Variants in DOP1A observed in about 807,000 individuals in gnomAD.
DOP1A encodes the protein DOP1 leucine zipper like protein A, also known as protein DOP1A.
DOP1A carries 90 observed loss-of-function variants against 267.6 expected under a neutral mutation model. The observed-to-expected ratio is 0.34, with a 90% confidence interval of 0.28 to 0.40. The LOEUF is 0.40. DOP1A is among the 10% of genes least tolerant of loss of function. The probability of loss-of-function intolerance (pLI) is 1.00; values close to 1 mark genes in which losing one functional copy is unlikely to be tolerated. For synonymous variants in DOP1A, 932 were observed against 999.1 expected, an observed-to-expected ratio of 0.93 and a Z score of 1.27; for missense variants, 2,437 against 2,900.4, an observed-to-expected ratio of 0.84 and a Z score of 3.67.
intron 15 of DOP1A, among the ~76,000 whole-genome samples, chr6:83,127,586 T>C (rs1024053602): frequency 6.6e-6 from 1 of 152,190 alleles, no homozygotes; most frequent in Admixed American, 6.5e-5. Context: ...TTAGAAAAGT[T>C]ACTCTGGCTG....
rs1786313200 is a variant in DOP1A at position 83,168,166 on chromosome 6, G to A, written c.7397G>A (p.Ter2466=). ...KDFLEGMIKT[*] Reference sequence around the variant, plus strand: ...TTTCTGGAAGGGATGATAAAAACTTGAGCACCATTGCTGGTTCCATTTAGC... The same window carrying A: ...TTTCTGGAAGGGATGATAAAAACTTAAGCACCATTGCTGGTTCCATTTAGC... The change falls in exon 39 of 39, where the codon TGA becomes TAA. Residue 2466 remains the stop codon, a stop_retained_variant. Coordinates refer to ENST00000349129, the MANE Select transcript of DOP1A (RefSeq NM_015018.4). The A allele has an allele frequency of 6.2e-7, 1 of 1,610,836 alleles. No individual in the cohort carries two copies. Among genetic ancestry groups the A allele is most frequent in the African/African-American group, 1.3e-5 (1 of 74,740 alleles).
Position 83,168,355 on chromosome 6 carries a change from G to C in DOP1A, c.*188G>C. 1.4e-6 allele frequency: 2 copies of C among 1,397,828 alleles called. No homozygotes were observed. The highest frequency in any genetic ancestry group is 2.7e-5 in the East Asian group (1 of 37,392). 86.6% of individuals were successfully genotyped at this position (1,397,828 alleles called of 1,614,324 possible). A position where few individuals can be genotyped will look rare whatever the true frequency, so the allele number is the denominator to read the frequency against. On this transcript the variant is annotated 3_prime_UTR_variant, in exon 39 of 39. Coordinates refer to ENST00000349129, the MANE Select transcript of DOP1A (RefSeq NM_015018.4). ...CCTGAATCAAGTTTAAATATTGTTG[G>C]CTCATACTGATTATGGTGCCTAAGA...
At chr6:83,134,558 GC>G (rs1459087694) in intron 19 of DOP1A, 2 of 319,868 alleles carry the variant, frequency 6.3e-6, no homozygotes, top group Non-Finnish European at 1.1e-5. Flanking sequence ...TAGTGATAGA[GC>G]AATGGATACA....
intron 1 of DOP1A, 29 bp downstream of exon 1, chr6:83,067,808 C>A (rs1469207161): frequency 6.6e-6 from 1 of 152,280 alleles, no homozygotes; most frequent in East Asian, 1.9e-4. Context: ...CCAGTGCGGC[C>A]GCTAGGCTGG....
At chr6:83,108,161 T>A (rs1434725972) in intron 4 of DOP1A, among the ~76,000 whole-genome samples, 1 of 152,142 alleles carries the variant, frequency 6.6e-6, no homozygotes, top group Non-Finnish European at 1.5e-5. Context: ...CCTTGATAAC[T>A]GATTGCAGGT....
downstream of DOP1A, chr6:83,169,074 G>T (rs768540774): frequency 7.0e-7 from 1 of 1,428,314 alleles, no homozygotes; most frequent in Non-Finnish European, 9.1e-7. Flanking sequence ...TATTTATAAA[G>T]AATTATTCTG....
intron 24 of DOP1A, among the ~76,000 whole-genome samples, chr6:83,143,353 T>A (rs1050006435): frequency 6.6e-6 from 1 of 152,208 alleles, no homozygotes; most frequent in Non-Finnish European, 1.5e-5. Context: ...GTAATTCACA[T>A]AGAGCAATGC....
rs201192970 is a variant in DOP1A, at chr6:83,125,158, T to A, written c.1456-8T>A. ...CTCTCCTCACTTCTTTGCTTTCTCA[T>A]TTTGAAGCCTACTAGAAGTATGAGG... is the stretch of plus-strand genomic sequence containing the variant. On this transcript the variant is annotated splice_polypyrimidine_tract_variant and splice_region_variant and intron_variant, in intron 13 of 38. Coordinates refer to ENST00000349129, the MANE Select transcript of DOP1A (RefSeq NM_015018.4). 6.3e-7 allele frequency: 1 copy of A among 1,580,894 alleles called. No individual in the cohort carries two copies. Among genetic ancestry groups the A allele is most frequent in the Non-Finnish European group, 8.5e-7 (1 of 1,170,986 alleles).
At chr6:83,144,079 C>T (rs1382923870) in intron 24 of DOP1A, among the ~76,000 whole-genome samples, 1 of 152,198 alleles carries the variant, frequency 6.6e-6, no homozygotes, top group Admixed American at 6.5e-5. Context: ...GTCACTCAAA[C>T]ATTTTCAGCT....
In DOP1A at chr6:83,122,016, C is replaced by CCT. The variant is rs768768580; in HGVS notation, c.1187_1188insTC (p.Pro397HisfsTer10). 6.2e-7 allele frequency: 1 copy of CCT among 1,611,338 alleles called. No individual in the cohort carries two copies. Among genetic ancestry groups the CCT allele is most frequent in the South Asian group, 1.1e-5 (1 of 90,930 alleles). On this transcript the variant is annotated frameshift_variant, in exon 11 of 39. Coordinates refer to ENST00000349129, the MANE Select transcript of DOP1A (RefSeq NM_015018.4). LOFTEE classifies it high-confidence loss of function. The stretch of plus-strand genomic sequence containing the variant: ...AGCAGAGTTGGATCTTCAAACTGAA[C>CCT]CACCCTTCAGCAAGGATCATGCTCA...
At chr6:83,159,583 G>A (rs766938429) in intron 36 of DOP1A, among the ~76,000 whole-genome samples, 8 of 152,098 alleles carry the variant, frequency 5.3e-5, no homozygotes, top group Non-Finnish European at 7.4e-5. Flanking sequence ...AAGCCACTGC[G>A]CCCAGTCTAT....
chr6:83,110,365 G>A, intron 6 of DOP1A, 51 bp downstream of exon 6: 3 of 1,560,876 alleles, frequency 1.9e-6, no homozygotes, highest in Non-Finnish European at 2.6e-6. Context: ...TTTAGAGTCA[G>A]GCACTATTCC....
rs554946044 is a variant in DOP1A, at chr6:83,121,799, C to G, written c.1100-131C>G. ...CCTTCTCAAAGAAGTGTGAATTTAG[C>G]TTAGCTTCTGAAGAAATACTATTTT... On this transcript the variant is annotated intron_variant, in intron 10 of 38. Transcript: ENST00000349129. 3 of 906,262 alleles carry G rather than the reference C, an allele frequency of 3.3e-6. No individual in the cohort carries two copies. In the African/African-American group the frequency reaches 5.1e-5, roughly 15 times the overall value. 56.1% of individuals were successfully genotyped at this position (906,262 alleles called of 1,614,324 possible). A position where few individuals can be genotyped will look rare whatever the true frequency, so the allele number is the denominator to read the frequency against.
chr6:83,073,955 T>C (rs889065054), intron 1 of DOP1A, among the ~76,000 whole-genome samples: 7 of 152,150 alleles, frequency 4.6e-5, no homozygotes, highest in African/African-American at 1.7e-4. Context: ...ACTTCTGCAG[T>C]GTTATATTGA....
intron 24 of DOP1A, among the ~76,000 whole-genome samples, chr6:83,142,725 G>GTTCTTGTTTCT (rs1179295069): frequency 6.6e-6 from 1 of 151,970 alleles, no homozygotes; most frequent in African/African-American, 2.4e-5. Context: ...AGTTCAAAGA[G>GTTCTTGTTTCT]TTCTTGTTTC....
At chr6:83,075,613 A>G (rs917971542) in intron 1 of DOP1A, among the ~76,000 whole-genome samples, 1 of 152,224 alleles carries the variant, frequency 6.6e-6, no homozygotes, top group African/African-American at 2.4e-5. Context: ...AAGCTATAGT[A>G]ATCAAAATAG....
chr6:83,131,833 C>T (rs1421929031), intron 17 of DOP1A, among the ~76,000 whole-genome samples: 1 of 151,940 alleles, frequency 6.6e-6, no homozygotes, highest in African/African-American at 2.4e-5. Flanking sequence ...GACAAGGTTT[C>T]GCCACGTTGG....
At chr6:83,167,673 A>T in intron 38 of DOP1A, 189 bp from the exon 39 acceptor site, 1 of 1,374,620 alleles carries the variant, frequency 7.3e-7, no homozygotes, top group South Asian at 1.9e-5. Context: ...AGACTGCTCC[A>T]TGTAAAACTA....
intron 4 of DOP1A, among the ~76,000 whole-genome samples, chr6:83,103,658 G>A (rs1773012325): frequency 1.3e-5 from 2 of 151,914 alleles, no homozygotes; most frequent in South Asian, 4.1e-4. Flanking sequence ...TTGTCCTTAT[G>A]TGCTTCATTC....
Sources: gnomAD v4.1 joint callset for allele counts (sites outside exome capture counted in the v4.1 genomes callset) on GRCh38, gnomAD v4.1.1 for gene constraint, MANE v1.5 for transcripts, NCBI Gene and HGNC (gene_info 2026-07-23, HGNC 2026-07-21) for gene names.